Variants in PLAGL2 observed in about 807,000 individuals in gnomAD.
PLAGL2 encodes the protein PLAG1 like zinc finger 2, also known as zinc finger protein PLAGL2.
In PLAGL2, 7 loss-of-function variants were observed where a neutral mutation model predicts 29.0. The ratio of observed to expected loss-of-function variants is 0.24; its 90% CI spans 0.14 to 0.45. The LOEUF is 0.45. Ranked by LOEUF, PLAGL2 falls within the 20% of genes least tolerant of loss-of-function variation. The pLI, the probability that PLAGL2 is intolerant of heterozygous loss-of-function variation, is 0.99. For missense variants in PLAGL2, 454 were observed against 648.2 expected (o/e 0.70, Z 3.25); for synonymous variants, 234 against 266.0 (o/e 0.88, Z 1.17).
rs758895524 is a variant in PLAGL2 at position 32,196,585 on chromosome 20, A to G, written c.1358T>C (p.Leu453Ser). ...TGGGGAATCTTGAGGCTGAGCTTGC[A>G]AAGTGGTAAGCAGGGGCTGTGCCTC... ...QAEAQPLLTTLQAQPQDSPGA... is the reference protein window; with the variant it reads ...QAEAQPLLTTSQAQPQDSPGA... The change falls in exon 3 of 3, where the codon TTG becomes TCG. Residue 453 changes from leucine to serine, a missense_variant. Coordinates refer to ENST00000246229, the MANE Select transcript of PLAGL2 (RefSeq NM_002657.3). The G allele has an allele frequency of 1.9e-6, 3 of 1,543,098 alleles. No homozygotes were observed. The highest frequency in any genetic ancestry group is 2.6e-6 in the Non-Finnish European group (3 of 1,149,814).
At position 32,197,323 on chromosome 20, in the gene PLAGL2, C is replaced by T. The variant is rs367867310; in HGVS notation, c.620G>A (p.Arg207Gln). ...GCCTGTGTGCACCACTAGGTGCCGC[C>T]GTACATCCTTACGAGTATAGAACCG... The part of the protein sequence containing the change: ...DRRFYTRKDV[R>Q]RHLVVHTGRK... Residue 207 changes from arginine to glutamine, a missense_variant, in exon 3 of 3, where the codon CGG becomes CAG. By Grantham distance (43) the Arg-to-Gln change is conservative. Around this residue, in one of 4 missense-constraint regions of PLAGL2, gnomAD observed 7 missense variants for 34.4 expected, o/e 0.20. Coordinates refer to ENST00000246229, the MANE Select transcript of PLAGL2 (RefSeq NM_002657.3). This position sits in a 1 kb window ranked among gnomAD's most constrained non-coding sequence, Gnocchi z 6.6. The T allele has an allele frequency of 1.4e-5, 22 of 1,603,066 alleles. No individual in the cohort carries two copies. Among genetic ancestry groups the T allele is most frequent in the East Asian group, 2.2e-5 (1 of 44,594 alleles).
In PLAGL2 at chr20:32,194,877, G is replaced by A. The variant is rs2047219581; in HGVS notation, c.*1575C>T. On this transcript the variant is annotated 3_prime_UTR_variant, in exon 3 of 3. Transcript: ENST00000246229. ...AGCGTCTCAAGGGTCCCACAGTGGA[G>A]GTCCCTGAGCTACCTCCCTTCCGTG... is the stretch of plus-strand genomic sequence containing the variant. 6.5e-6 allele frequency: 1 copy of A among 152,690 alleles called. No homozygotes were observed. The highest frequency in any genetic ancestry group is 1.5e-5 in the Non-Finnish European group (1 of 68,068). 9.5% of individuals were successfully genotyped at this position (152,690 alleles called of 1,614,324 possible). A position where few individuals can be genotyped will look rare whatever the true frequency, so the allele number is the denominator to read the frequency against.
intron 1 of PLAGL2, among the ~76,000 whole-genome samples, chr20:32,204,385 A>C (rs2047275202): frequency 6.6e-6 from 1 of 152,162 alleles, no homozygotes; most frequent in Admixed American, 6.5e-5. Context: ...ACAAGACACA[A>C]TAGTTTAGTA....
rs1312218546 is a variant in PLAGL2, at chr20:32,197,613, C to A, written c.330G>T (p.Lys110Asn). The change falls in exon 3 of 3, where the codon AAG becomes AAT. Residue 110 changes from lysine (K) to asparagine (N), a missense_variant. Around this residue, in one of 4 missense-constraint regions of PLAGL2, gnomAD observed 111 missense variants for 173.1 expected, o/e 0.64. Coordinates refer to ENST00000246229, the MANE Select transcript of PLAGL2 (RefSeq NM_002657.3). The surrounding 1 kb of genome is among the most constrained non-coding windows in gnomAD (Gnocchi z 6.6). ...CMYCDKMFHRKDHLRNHLQTH... is the reference protein window; with the variant it reads ...CMYCDKMFHRNDHLRNHLQTH... ...TCTGCAGATGGTTCCGCAGATGGTC[C>A]TTGCGGTGAAACATCTTATCACAGT... 6.2e-7 allele frequency: 1 copy of A among 1,614,138 alleles called. No individual in the cohort carries two copies. Among genetic ancestry groups the A allele is most frequent in the Admixed American group, 1.7e-5 (1 of 60,018 alleles).
intron 1 of PLAGL2, among the ~76,000 whole-genome samples, chr20:32,206,076 C>A (rs981899797): frequency 4.6e-5 from 7 of 152,124 alleles, no homozygotes; most frequent in Non-Finnish European, 1.0e-4. Context: ...TAGAATCTTC[C>A]CTTAAGCAGA....
chr20:32,207,244 G>T (rs1199291555), intron 1 of PLAGL2, among the ~76,000 whole-genome samples: 1 of 152,162 alleles, frequency 6.6e-6, no homozygotes, highest in East Asian at 1.9e-4. Flanking sequence ...GTCTGGGTAG[G>T]CGTGTCGGAG....
Position 32,196,859 on chromosome 20 carries a change from A to T in PLAGL2, c.1084T>A (p.Phe362Ile). Residue 362 changes from phenylalanine to isoleucine, a missense_variant, in exon 3 of 3, where the codon TTT (phenylalanine) becomes ATT (isoleucine). By Grantham distance (21) the Phe-to-Ile change is conservative (BLOSUM62 0). Transcript: ENST00000246229. ...DKLPKVEVDSFLAELPGSLSL... is the reference protein window; with the variant it reads ...DKLPKVEVDSILAELPGSLSL... The stretch of plus-strand genomic sequence containing the variant: ...AGGCTTCCAGGAAGCTCCGCCAGAA[A>T]ACTATCCACCTCCACTTTGGGCAAT... 1 of 1,614,128 alleles carries T rather than the reference A, an allele frequency of 6.2e-7. No homozygotes were observed. Among genetic ancestry groups the T allele is most frequent in the Non-Finnish European group, 8.5e-7 (1 of 1,179,982 alleles).
rs2047262596 is a variant in PLAGL2, at chr20:32,202,070, G to A, written c.109C>T (p.Gln37Ter). The part of the protein sequence containing the change: ...PRPRGREAES[Q>*]VKCQCEISGT... The stretch of plus-strand genomic sequence containing the variant: ...GAAATTTCACATTGGCACTTCACTT[G>A]ACTCTCCGCCTCCCGGCCCCGAGGC... Residue 37 changes from glutamine (Q) to a stop codon, truncating the protein, a stop_gained, in exon 2 of 3, where the codon CAA becomes TAA. Transcript: ENST00000246229. LOFTEE classifies it high-confidence loss of function. 6.2e-7 allele frequency: 1 copy of A among 1,614,114 alleles called. No individual in the cohort carries two copies. Among genetic ancestry groups the A allele is most frequent in the Non-Finnish European group, 8.5e-7 (1 of 1,180,042 alleles).
At chr20:32,199,182 TCA>T (rs921096721) in intron 2 of PLAGL2, among the ~76,000 whole-genome samples, 12 of 152,196 alleles carry the variant, frequency 7.9e-5, no homozygotes, top group African/African-American at 2.9e-4. Context: ...AGACCTATGT[TCA>T]GTCAGGTATG....
At position 32,192,551 on chromosome 20, in the gene PLAGL2, T is replaced by A. The variant is rs1230855055; in HGVS notation, c.*3901A>T. 6.6e-6 allele frequency: 1 copy of A among 152,594 alleles called. No individual in the cohort carries two copies. The highest frequency in any genetic ancestry group is 1.5e-5 in the Non-Finnish European group (1 of 68,014). The allele number at this position is 152,594 out of a possible 1,614,324, so 9.5% of individuals were successfully genotyped here. ...AATAAACAACTTCATTATAAAAACCTTTTTTTGAAAATGTAATTCTGTAAA... is the reference window on the plus strand; with the variant it reads ...AATAAACAACTTCATTATAAAAACCATTTTTTGAAAATGTAATTCTGTAAA... On this transcript the variant is annotated 3_prime_UTR_variant, in exon 3 of 3. Coordinates refer to ENST00000246229, the MANE Select transcript of PLAGL2 (RefSeq NM_002657.3).
Position 32,196,429 on chromosome 20 carries a change from T to C in PLAGL2, c.*23A>G. The C allele has an allele frequency of 6.9e-7, 1 of 1,444,626 alleles. No homozygotes were observed. Among genetic ancestry groups the C allele is most frequent in the Admixed American group, 2.6e-5 (1 of 38,428 alleles). 89.5% of individuals were successfully genotyped at this position (1,444,626 alleles called of 1,614,324 possible). A position where few individuals can be genotyped will look rare whatever the true frequency, so the allele number is the denominator to read the frequency against. ...AAGGCTCCATAACAGAGCCAAAAAC[T>C]GAGCTGAGGGCCTCTGTGGGGGCTA... On this transcript the variant is annotated 3_prime_UTR_variant, in exon 3 of 3. Transcript: ENST00000246229.
intron 1 of PLAGL2, among the ~76,000 whole-genome samples, chr20:32,207,398 G>A (rs1486212146): frequency 6.6e-6 from 1 of 152,146 alleles, no homozygotes; most frequent in Admixed American, 6.5e-5. Context: ...GGAAGGGAGG[G>A]GACCGGTGGC....
chr20:32,200,506 G>A (rs1216749591), intron 2 of PLAGL2, among the ~76,000 whole-genome samples: 12 of 152,176 alleles, frequency 7.9e-5, no homozygotes, highest in Admixed American at 3.3e-4. Flanking sequence ...GATTACAGGC[G>A]TGAGCCACCG....
rs548834267 is a variant in PLAGL2, at chr20:32,202,157, C to T, written c.22G>A (p.Val8Ile). 21 of 1,614,102 alleles carry T rather than the reference C, an allele frequency of 1.3e-5. No individual in the cohort carries two copies. Among genetic ancestry groups the T allele is most frequent in the African/African-American group, 5.3e-5 (4 of 75,052 alleles). MTTFFTS[V>I]PPWIQDAKQE... The stretch of plus-strand genomic sequence containing the variant: ...TTTGCATCTTGAATCCAGGGGGGGA[C>T]GCTGGTGAAAAATGTGGTCATGGCA... The change falls in exon 2 of 3, where the codon GTC (valine) becomes ATC (isoleucine). Residue 8 changes from valine (V) to isoleucine (I), a missense_variant. This residue lies in a region of PLAGL2 where 89 missense variants were observed against 90.4 expected (regional missense o/e 0.98). Coordinates refer to ENST00000246229, the MANE Select transcript of PLAGL2 (RefSeq NM_002657.3).
intron 1 of PLAGL2, among the ~76,000 whole-genome samples, chr20:32,207,257 A>C (rs1443419522): frequency 6.6e-6 from 1 of 152,018 alleles, no homozygotes; most frequent in Non-Finnish European, 1.5e-5. Flanking sequence ...TGTCGGAGGG[A>C]GGGAGCAGGT....
Position 32,202,080 on chromosome 20 carries a change from C to T in PLAGL2, c.99G>A (p.Glu33=), listed in dbSNP as rs771258610. 2.5e-6 allele frequency: 4 copies of T among 1,614,238 alleles called. No homozygotes were observed. Among genetic ancestry groups the T allele is most frequent in the Non-Finnish European group, 3.4e-6 (4 of 1,180,034 alleles). Residue 33 remains glutamate (E), a synonymous_variant, in exon 2 of 3, where the codon GAG becomes GAA. Coordinates refer to ENST00000246229, the MANE Select transcript of PLAGL2 (RefSeq NM_002657.3). The part of the protein sequence containing the change: ...WKLVPRPRGR[E]AESQVKCQCE... ...ATTGGCACTTCACTTGACTCTCCGCCTCCCGGCCCCGAGGCCTGGGAACTA... is the reference window on the plus strand; with the variant it reads ...ATTGGCACTTCACTTGACTCTCCGCTTCCCGGCCCCGAGGCCTGGGAACTA...
chr20:32,205,858 A>G (rs1056487333), intron 1 of PLAGL2, among the ~76,000 whole-genome samples: 4 of 152,132 alleles, frequency 2.6e-5, no homozygotes, highest in African/African-American at 9.7e-5. Context: ...ACTCCCCCCT[A>G]AAAAACAGTT....
At chr20:32,203,603 C>T (rs781358367) in intron 1 of PLAGL2, among the ~76,000 whole-genome samples, 51 of 152,200 alleles carry the variant, frequency 3.4e-4, no homozygotes, top group Non-Finnish European at 5.0e-4. Flanking sequence ...TGGGGATTAT[C>T]CACGAGAATC....
At chr20:32,198,533 A>G (rs563310623) in intron 2 of PLAGL2, among the ~76,000 whole-genome samples, 7 of 152,286 alleles carry the variant, frequency 4.6e-5, no homozygotes, top group Non-Finnish European at 7.4e-5. Flanking sequence ...CTAGCTACTC[A>G]AGAGGCTAAG....
Sources: allele counts gnomAD v4.1 joint callset (sites outside exome capture counted in the v4.1 genomes callset), GRCh38; gene constraint gnomAD v4.1.1; regional missense constraint gnomAD v4.1.1; non-coding constraint Gnocchi (gnomAD v3.1); transcripts MANE v1.5; gene names NCBI Gene and HGNC (gene_info 2026-07-23, HGNC 2026-07-21).